Variants in PUM1 observed in about 807,000 individuals in gnomAD.
PUM1 encodes the protein pumilio homolog 1.
PUM1 carries 13 observed loss-of-function variants against 131.8 expected under a neutral mutation model. The ratio of observed to expected loss-of-function variants is 0.10; its 90% CI spans 0.06 to 0.16. The LOEUF is 0.16. Ranked by LOEUF, PUM1 falls within the 10% of genes least tolerant of loss-of-function variation. The probability of loss-of-function intolerance (pLI) is 1.00; values close to 1 mark genes in which losing one functional copy is unlikely to be tolerated. For missense variants in PUM1, 961 were observed against 1,512.4 expected (o/e 0.64, Z 6.05); for synonymous variants, 509 against 556.5 (o/e 0.91, Z 1.20).
Position 31,006,001 on chromosome 1 carries a change from T to C in PUM1, c.572A>G (p.Gln191Arg). The C allele has an allele frequency of 6.2e-7, 1 of 1,607,630 alleles. No homozygotes were observed. The highest frequency in any genetic ancestry group is 8.5e-7 in the Non-Finnish European group (1 of 1,177,946). ...DHSVSQPIMV[Q>R]RRPGQSFHVN... ...ATGGAAACTCTGACCAGGTCTTCTC[T>C]GCACCATGATTGGCTGGGAAACTGA... Residue 191 changes from glutamine to arginine, a missense_variant, in exon 5 of 22, where the codon CAG becomes CGG. Physicochemically the swap from Gln to Arg is conservative, Grantham distance 43. Transcript: ENST00000426105.
In PUM1 at chr1:31,048,016, G is replaced by A. The variant is rs542462239; in HGVS notation, c.363+11188C>T. Among the ~76,000 whole-genome samples, 10 of 151,968 alleles carry A rather than the reference G, an allele frequency of 6.6e-5. No homozygotes were observed. The East Asian group carries it at 9.7e-4, about 15-fold the overall frequency. On this transcript the variant is annotated intron_variant, in intron 2 of 21. Transcript: ENST00000426105. Reference sequence around the variant, plus strand: ...AGCACTTTGGGAGGCCGAGGCGGGTGGATCATGAGGTCAGGAGATCGAGAC... The same window carrying A: ...AGCACTTTGGGAGGCCGAGGCGGGTAGATCATGAGGTCAGGAGATCGAGAC...
intron 14 of PUM1, among the ~76,000 whole-genome samples, chr1:30,955,918 T>A (rs560393380): frequency 6.6e-6 from 1 of 152,368 alleles, no homozygotes; most frequent in South Asian, 2.1e-4. Flanking sequence ...AAGTTTTTCA[T>A]ATACACTTTC....
rs1169941767 is a variant in PUM1, at chr1:31,065,618, G to A, written c.-14C>T. 56 of 1,547,196 alleles carry A rather than the reference G, an allele frequency of 3.6e-5. No individual in the cohort carries two copies. Among genetic ancestry groups the A allele is most frequent in the Non-Finnish European group, 4.8e-5 (55 of 1,146,644 alleles). Reference sequence around the variant, plus strand: ...GCCGGTGGGGTGCGGATACTCACGGGCGGAGCGGTAGGATGAAGATGGATT... The same window carrying A: ...GCCGGTGGGGTGCGGATACTCACGGACGGAGCGGTAGGATGAAGATGGATT... On this transcript the variant is annotated splice_region_variant and 5_prime_UTR_variant, in exon 1 of 22. Transcript: ENST00000426105.
chr1:30,968,187 T>C (rs752369977), intron 11 of PUM1, 167 bp downstream of exon 11: 12 of 891,878 alleles, frequency 1.3e-5, no homozygotes, highest in Admixed American at 1.2e-4. Context: ...AATGCTCTCA[T>C]CAGTGAACTA....
intron 6 of PUM1, 98 bp downstream of exon 6, chr1:30,994,956 G>A: frequency 1.6e-6 from 2 of 1,269,420 alleles, no homozygotes; most frequent in East Asian, 2.3e-5. Flanking sequence ...AAGAAAACAT[G>A]AAGAGGGGAA....
At chr1:30,971,375 C>T (rs1162331365) in intron 10 of PUM1, among the ~76,000 whole-genome samples, 1 of 152,174 alleles carries the variant, frequency 6.6e-6, no homozygotes, top group Non-Finnish European at 1.5e-5. Flanking sequence ...AAAACAATGG[C>T]TGCTAATTAA....
chr1:31,038,984 A>ATATATATATATATTTTTTTTTTTTT, intron 2 of PUM1, among the ~76,000 whole-genome samples: 7 of 49,412 alleles, frequency 1.4e-4, no homozygotes, highest in African/African-American at 8.3e-4. Flanking sequence ...ATATATATAT[A>ATATATATATATATTTTTTTTTTTTT]TTTTTTTTTT....
At chr1:31,055,575 A>T (rs1209342808) in intron 2 of PUM1, among the ~76,000 whole-genome samples, 1 of 152,208 alleles carries the variant, frequency 6.6e-6, no homozygotes, top group East Asian at 1.9e-4. Flanking sequence ...CAGCCCAAAG[A>T]ATTGTGTTGT....
chr1:31,015,714 C>T (rs1642792603), intron 3 of PUM1, among the ~76,000 whole-genome samples: 1 of 142,530 alleles, frequency 7.0e-6, no homozygotes, highest in Non-Finnish European at 1.5e-5. Context: ...TCTATTGTTG[C>T]CCAGGCTGGA....
chr1:30,965,010 C>T (rs1640562412), intron 13 of PUM1, 100 bp from the exon 14 acceptor site: 4 of 953,846 alleles, frequency 4.2e-6, no homozygotes, highest in Non-Finnish European at 6.5e-6. Flanking sequence ...CTCCTTACCA[C>T]CGCAAATTTG....
chr1:30,951,665 A>G (rs1639940341), intron 16 of PUM1, among the ~76,000 whole-genome samples: 1 of 152,220 alleles, frequency 6.6e-6, no homozygotes, highest in South Asian at 2.1e-4. Context: ...GAGGGAAAAG[A>G]CATCAACCTA....
intron 1 of PUM1, among the ~76,000 whole-genome samples, chr1:31,063,684 C>T (rs760132151): frequency 3.3e-5 from 5 of 152,134 alleles, no homozygotes; most frequent in Non-Finnish European, 7.3e-5. Flanking sequence ...TTATCACTGA[C>T]GCACACTAAA....
chr1:30,958,594 C>T lies in PUM1; in HGVS notation c.2324-4613G>A, dbSNP rs1036782571. Among the ~76,000 whole-genome samples, 48 of 152,104 alleles carry T rather than the reference C, an allele frequency of 3.2e-4. 1 individual carries two copies. Among genetic ancestry groups the T allele is most frequent in the Non-Finnish European group, 2.9e-5 (2 of 68,014 alleles). On this transcript the variant is annotated intron_variant, in intron 14 of 21. Transcript: ENST00000426105. ...GGGCGGGGGAGTAGGATAAAGAGAT[C>T]CATGGGTAGGCAGGGCATGAAACCA...
At chr1:30,954,517 G>A (rs1640070200) in intron 14 of PUM1, among the ~76,000 whole-genome samples, 1 of 152,186 alleles carries the variant, frequency 6.6e-6, no homozygotes, top group Non-Finnish European at 1.5e-5. Flanking sequence ...CTAAATAGAA[G>A]TGTGAAAATC....
chr1:30,986,764 C>A (rs1489147592), intron 7 of PUM1, among the ~76,000 whole-genome samples: 2 of 152,208 alleles, frequency 1.3e-5, no homozygotes, highest in Non-Finnish European at 2.9e-5. Context: ...TGATCAATTA[C>A]TAGTCACTCT....
chr1:30,965,959 G>A (rs751174735), intron 13 of PUM1, 23 bp downstream of exon 13: 2 of 1,594,900 alleles, frequency 1.3e-6, no homozygotes, highest in South Asian at 1.1e-5. Flanking sequence ...TCAGTCTTAA[G>A]AGCATATCAG....
intron 2 of PUM1, among the ~76,000 whole-genome samples, chr1:31,044,654 T>C (rs1481695387): frequency 1.3e-5 from 2 of 152,132 alleles, no homozygotes; most frequent in African/African-American, 4.8e-5. Context: ...CAACAATGAA[T>C]ACACTAAAAA....
chr1:30,939,126 C>A (rs1639342172), intron 20 of PUM1, among the ~76,000 whole-genome samples: 1 of 152,046 alleles, frequency 6.6e-6, no homozygotes, highest in African/African-American at 2.4e-5. Flanking sequence ...ATTTTTATTT[C>A]TTTTTTCTTG....
At chr1:30,990,970 A>G (rs1048648018) in intron 7 of PUM1, among the ~76,000 whole-genome samples, 1 of 152,220 alleles carries the variant, frequency 6.6e-6, no homozygotes, top group African/African-American at 2.4e-5. Flanking sequence ...TCAAGTTCTA[A>G]TAATTGTCCA....
Sources: gnomAD v4.1 joint callset for allele counts (sites outside exome capture counted in the v4.1 genomes callset) on GRCh38, gnomAD v4.1.1 for gene constraint, MANE v1.5 for transcripts, NCBI Gene and HGNC (gene_info 2026-07-23, HGNC 2026-07-21) for gene names.